NAV3: variants seen among roughly 807,000 people sequenced by gnomAD.
NAV3 encodes pore membrane and/or filament interacting like protein 1.
A neutral mutation model predicts 244.7 loss-of-function variants in NAV3; 87 were observed. The ratio of observed to expected loss-of-function variants is 0.36; its 90% confidence interval spans 0.30 to 0.42. The LOEUF is 0.42. Among genes scored for constraint, NAV3 ranks in the 20% least tolerant of loss-of-function variants. The pLI is 1.00. For synonymous variants in NAV3, 1,126 were observed against 1,042.2 expected (o/e 1.08, Z -1.55); for missense variants, 2,663 against 2,893.3 (o/e 0.92, Z 1.83).
At chr12:78,136,789 CT>C (rs1188633009) in intron 18 of NAV3, among the ~76,000 whole-genome samples, 10 of 152,102 alleles carry the variant, frequency 6.6e-5, no homozygotes, top group Admixed American at 5.9e-4. Flanking sequence ...ATTTTACTTT[CT>C]TTTTGATTTT....
At chr12:77,594,571 A>G (rs1489609315) in intron 2 of NAV3, among the ~76,000 whole-genome samples, 1 of 152,218 alleles carries the variant, frequency 6.6e-6, no homozygotes, top group Non-Finnish European at 1.5e-5. Context: ...AACATGCCAG[A>G]TTAGGGTTCT....
chr12:77,886,461 A>T (rs187426648), intron 1 of NAV3, among the ~76,000 whole-genome samples: 1 of 152,312 alleles, frequency 6.6e-6, no homozygotes, highest in African/African-American at 2.4e-5. Context: ...GATAGGGGCT[A>T]TCTTGTCTTC....
At chr12:77,730,485 A>G (rs532762323) in intron 2 of NAV3, among the ~76,000 whole-genome samples, 1 of 151,934 alleles carries the variant, frequency 6.6e-6, no homozygotes, top group African/African-American at 2.4e-5. Flanking sequence ...CATAATAGGT[A>G]AGAAAATTGA....
chr12:77,892,065 T>TA (rs1214702436), intron 1 of NAV3, among the ~76,000 whole-genome samples: 1 of 152,244 alleles, frequency 6.6e-6, no homozygotes, highest in Non-Finnish European at 1.5e-5. Flanking sequence ...GAACACTTTT[T>TA]ATAATTATTT....
chr12:77,826,362 C>T (rs1178574122), upstream of NAV3, among the ~76,000 whole-genome samples: 1 of 151,824 alleles, frequency 6.6e-6, no homozygotes, highest in Non-Finnish European at 1.5e-5. Context: ...ACAGATGGTG[C>T]ACATCTGTAG....
chr12:77,704,421 A>G (rs1446831401), intron 2 of NAV3, among the ~76,000 whole-genome samples: 1 of 152,230 alleles, frequency 6.6e-6, no homozygotes, highest in East Asian at 1.9e-4. Flanking sequence ...GCCGTATCCC[A>G]AATGCTACTC....
chr12:77,778,175 GCCCTCTCCTCCTCTCCTCTCCCCT>G (rs1870471222), intron 2 of NAV3, among the ~76,000 whole-genome samples: 2 of 79,212 alleles, frequency 2.5e-5, no homozygotes, highest in Non-Finnish European at 4.5e-5. Context: ...CCCCTCCTCT[GCCCTCTCCTCCTCTCCTCTCCCCT>G]CCTCTCCCCT....
chr12:77,696,246 G>A (rs1206658362), intron 2 of NAV3, among the ~76,000 whole-genome samples: 1 of 152,170 alleles, frequency 6.6e-6, no homozygotes, highest in Non-Finnish European at 1.5e-5. Context: ...ATATGGCAAA[G>A]GGGACAGTAT....
chr12:77,594,661 A>G (rs751465204), intron 2 of NAV3, among the ~76,000 whole-genome samples: 5 of 152,242 alleles, frequency 3.3e-5, no homozygotes, highest in Non-Finnish European at 5.9e-5. Flanking sequence ...CTTTTCACAT[A>G]TGCACCGAAG....
At chr12:77,799,145 A>G (rs937410821) in intron 2 of NAV3, among the ~76,000 whole-genome samples, 23 of 152,224 alleles carry the variant, frequency 1.5e-4, no homozygotes, top group African/African-American at 5.5e-4. Context: ...TTCAGGCACC[A>G]TGAAGGTATC....
intron 5 of NAV3, among the ~76,000 whole-genome samples, chr12:77,989,496 T>C (rs564637164): frequency 1.1e-4 from 17 of 152,164 alleles, no homozygotes; most frequent in Non-Finnish European, 2.4e-4. Context: ...AATAAATTGG[T>C]CTTCCAAGGA....
intron 2 of NAV3, among the ~76,000 whole-genome samples, chr12:77,726,142 G>T (rs1220133437): frequency 3.3e-5 from 5 of 150,776 alleles, no homozygotes; most frequent in Admixed American, 6.7e-5. Flanking sequence ...TTGGAGAGGG[G>T]ATTATTTTTC....
rs891017620 is a variant in NAV3, at chr12:77,976,539, C to T, written c.671+7837C>T. On this transcript the variant is annotated intron_variant, in intron 5 of 39. Transcript: ENST00000397909. ...GAAAGCGTTCAATGGAGAGACAGAT[C>T]AATAGTCATAACTTATATGGAGCCC... Among the ~76,000 whole-genome samples the T allele has an allele frequency of 4.0e-5, 6 of 151,896 alleles. No homozygotes were observed. In the East Asian group the frequency reaches 1.2e-3, roughly 29 times the overall value.
intron 2 of NAV3, among the ~76,000 whole-genome samples, chr12:77,782,206 T>A (rs559266738): frequency 1.3e-5 from 2 of 152,256 alleles, no homozygotes; most frequent in Non-Finnish European, 2.9e-5. Flanking sequence ...AACTTCAGCC[T>A]AAGCAGCACA....
At chr12:78,201,458 T>C (rs1265717029) in intron 38 of NAV3, among the ~76,000 whole-genome samples, 1 of 152,004 alleles carries the variant, frequency 6.6e-6, no homozygotes, top group Non-Finnish European at 1.5e-5. Context: ...TCTTTTGATC[T>C]ATGACAGATT....
chr12:78,161,059 T>A lies in NAV3; in HGVS notation c.4869+1773T>A, dbSNP rs868143334. Among the ~76,000 whole-genome samples, 29 of 152,160 alleles carry A rather than the reference T, an allele frequency of 1.9e-4. No homozygotes were observed. In the Middle Eastern group the frequency reaches 0.024, roughly 125 times the overall value. On this transcript the variant is annotated intron_variant, in intron 23 of 39. Transcript: ENST00000397909. ...GAATTAGAAGGCTTTTTAGAGCAGC[T>A]GACGGGAAAGAATAAAAACACTGGG...
At chr12:77,768,383 G>A (rs564062678) in intron 2 of NAV3, among the ~76,000 whole-genome samples, 1 of 152,200 alleles carries the variant, frequency 6.6e-6, no homozygotes, top group African/African-American at 2.4e-5. Flanking sequence ...GTCATCCAGG[G>A]TGCCCAGGCT....
At chr12:78,123,448 C>A (rs180804252) in intron 16 of NAV3, among the ~76,000 whole-genome samples, 104 of 151,970 alleles carry the variant, frequency 6.8e-4, no homozygotes, top group African/African-American at 2.4e-3. Flanking sequence ...TCAATTAAAG[C>A]CCTTAGCTAG....
intron 2 of NAV3, among the ~76,000 whole-genome samples, chr12:77,654,168 C>T (rs909697299): frequency 1.6e-5 from 2 of 122,804 alleles, no homozygotes; most frequent in East Asian, 2.3e-4. Flanking sequence ...TCACTCGGGA[C>T]GTGCAAGGGG....
Sources: allele counts gnomAD v4.1 joint callset (sites outside exome capture counted in the v4.1 genomes callset), GRCh38; gene constraint gnomAD v4.1.1; transcripts MANE v1.5; gene names NCBI Gene and HGNC (gene_info 2026-07-23, HGNC 2026-07-21).